Variants in PREPL observed in about 807,000 individuals in gnomAD.
PREPL encodes prolyl endopeptidase-like.
In PREPL, 77 loss-of-function variants were observed where a neutral mutation model predicts 70.6. The observed-to-expected ratio is 1.09, with a 90% CI of 0.91 to 1.32. PREPL has a LOEUF of 1.32. PREPL is among the 40% of genes most tolerant of loss of function. The pLI is 0.00. For synonymous variants in PREPL, 315 were observed against 264.8 expected, an observed-to-expected ratio of 1.19 and a Z score of -1.84; for missense variants, 1,002 against 778.2, an observed-to-expected ratio of 1.29 and a Z score of -3.42.
intron 2 of PREPL, among the ~76,000 whole-genome samples, chr2:44,345,534 G>A (rs943568353): frequency 9.9e-5 from 15 of 152,024 alleles, no homozygotes; most frequent in African/African-American, 3.6e-4. Context: ...TTTTAGTAGA[G>A]ATGGGGTTTC....
At position 44,319,872 on chromosome 2, in the gene PREPL, C is replaced by G. The variant is rs754614997; in HGVS notation, c.*1484G>C. On this transcript the variant is annotated 3_prime_UTR_variant, in exon 14 of 14. Coordinates refer to ENST00000409411, the MANE Select transcript of PREPL (RefSeq NM_001171613.2). ...TACAATATAGCACAGAATGACTATGCAAGTTAAATATTCATCTTAGACATG... is the reference window on the plus strand; with the variant it reads ...TACAATATAGCACAGAATGACTATGGAAGTTAAATATTCATCTTAGACATG... 6 of 279,678 alleles carry G rather than the reference C, an allele frequency of 2.1e-5. No homozygotes were observed. Among genetic ancestry groups the G allele is most frequent in the Non-Finnish European group, 4.1e-5 (6 of 146,046 alleles). The allele number at this position is 279,678 out of a possible 1,614,324, so 17.3% of individuals were successfully genotyped here. A position where few individuals can be genotyped will look rare whatever the true frequency, so the allele number is the denominator to read the frequency against.
rs113296383 is a variant in PREPL at position 44,321,826 on chromosome 2, C to T, written c.1827+1G>A. 1 of 1,613,722 alleles carries T rather than the reference C, an allele frequency of 6.2e-7. No homozygotes were observed. ...CCACTGAGAGGGCCTTGATAACATA[C>T]CTTTTTGTGAGAATCCTCAATTACA... On this transcript the variant is annotated splice_donor_variant, in intron 13 of 13. Transcript: ENST00000409411. LOFTEE classifies it high-confidence loss of function.
intron 7 of PREPL, among the ~76,000 whole-genome samples, chr2:44,334,271 C>G (rs1261896451): frequency 6.6e-6 from 1 of 152,098 alleles, no homozygotes; most frequent in Non-Finnish European, 1.5e-5. Flanking sequence ...CTGAGAGAAA[C>G]AGGTTCAGTT....
At chr2:44,348,532 C>A (rs1676067335) in intron 1 of PREPL, among the ~76,000 whole-genome samples, 1 of 152,180 alleles carries the variant, frequency 6.6e-6, no homozygotes, top group Non-Finnish European at 1.5e-5. Flanking sequence ...GAGCTGGGTT[C>A]TGTCACTTTT....
intron 1 of PREPL, among the ~76,000 whole-genome samples, chr2:44,359,009 T>G (rs1417805897): frequency 1.3e-5 from 2 of 152,040 alleles, no homozygotes; most frequent in Admixed American, 6.6e-5. Context: ...GGTGAATCAT[T>G]TTTTATAAAC....
At chr2:44,355,822 C>A (rs1355098403) in intron 1 of PREPL, among the ~76,000 whole-genome samples, 1 of 150,664 alleles carries the variant, frequency 6.6e-6, no homozygotes, top group Non-Finnish European at 1.5e-5. Flanking sequence ...GCAGGAGCTG[C>A]TAACCTGTAT....
In PREPL at chr2:44,321,185, T is replaced by C. The variant is rs865808559; in HGVS notation, c.*171A>G. The C allele has an allele frequency of 4.9e-6, 3 of 611,248 alleles. No homozygotes were observed. Among genetic ancestry groups the C allele is most frequent in the African/African-American group, 3.7e-5 (2 of 53,646 alleles). The allele number at this position is 611,248 out of a possible 1,614,324, so 37.9% of individuals were successfully genotyped here. On this transcript the variant is annotated 3_prime_UTR_variant, in exon 14 of 14. Transcript: ENST00000409411. ...TGGGCATGTGCATCAATGGAGAGAA[T>C]AGTATAAGCAAGTGAGATGTAGACT...
intron 11 of PREPL, 66 bp downstream of exon 11, chr2:44,323,196 A>C (rs758418184): frequency 1.7e-5 from 24 of 1,438,394 alleles, no homozygotes; most frequent in Non-Finnish European, 2.1e-5. Context: ...TTCAGCTTGG[A>C]TAAGTTTTTT....
chr2:44,318,949 C>G lies in PREPL; in HGVS notation c.*2407G>C, dbSNP rs936937463. On this transcript the variant is annotated 3_prime_UTR_variant, in exon 14 of 14. Coordinates refer to ENST00000409411, the MANE Select transcript of PREPL (RefSeq NM_001171613.2). ...ACAAATCTGCAATTACAGAAAAAGA[C>G]TTCAACATACTTTTAGAAAGTAGTA... The G allele has an allele frequency of 6.6e-6, 1 of 152,134 alleles. No homozygotes were observed. Among genetic ancestry groups the G allele is most frequent in the Non-Finnish European group, 1.5e-5 (1 of 68,020 alleles). The allele number at this position is 152,134 out of a possible 1,614,324, so 9.4% of individuals were successfully genotyped here. A position where few individuals can be genotyped will look rare whatever the true frequency, so the allele number is the denominator to read the frequency against.
rs189971273 is a variant in PREPL at position 44,348,347 on chromosome 2, T to C, written c.-48-1957A>G. ...TATCAATAATCCCCTCATATCACCATCATAAGTCAGAAGATGACTAAAAAT... is the reference window on the plus strand; with the variant it reads ...TATCAATAATCCCCTCATATCACCACCATAAGTCAGAAGATGACTAAAAAT... On this transcript the variant is annotated intron_variant, in intron 1 of 13. Coordinates refer to ENST00000409411, the MANE Select transcript of PREPL (RefSeq NM_001171613.2). Among the ~76,000 whole-genome samples the C allele has an allele frequency of 1.8e-4, 27 of 152,360 alleles. 1 individual carries two copies. The East Asian group carries it at 3.1e-3, about 17-fold the overall frequency.
In PREPL at chr2:44,321,143, T is replaced by G. The variant is rs11124988; in HGVS notation, c.*213A>C. On this transcript the variant is annotated 3_prime_UTR_variant, in exon 14 of 14. Transcript: ENST00000409411. ...CCTTCTAAGGAGCATGATTTGAAAA[T>G]TACTTTCCTAGGTTAATGGGCATGT... is the stretch of plus-strand genomic sequence containing the variant. The G allele has an allele frequency of 1.9e-6, 1 of 530,590 alleles. No individual in the cohort carries two copies. Among genetic ancestry groups the G allele is most frequent in the Non-Finnish European group, 3.4e-6 (1 of 293,520 alleles). The allele number at this position is 530,590 out of a possible 1,614,324, so 32.9% of individuals were successfully genotyped here. A position where few individuals can be genotyped will look rare whatever the true frequency, so the allele number is the denominator to read the frequency against.
intron 11 of PREPL, 48 bp downstream of exon 11, chr2:44,323,214 A>T (rs767313353): frequency 2.0e-6 from 3 of 1,485,054 alleles, no homozygotes; most frequent in Non-Finnish European, 2.7e-6. Flanking sequence ...TTTTTTTATT[A>T]TCTTCTGTGT....
chr2:44,320,166 AACACTT>A lies in PREPL; in HGVS notation c.*1184_*1189del. 1 of 1,530,586 alleles carries A rather than the reference AACACTT, an allele frequency of 6.5e-7. No homozygotes were observed. Among genetic ancestry groups the A allele is most frequent in the Non-Finnish European group, 9.0e-7 (1 of 1,108,348 alleles). The allele number at this position is 1,530,586 out of a possible 1,614,324, so 94.8% of individuals were successfully genotyped here. A position where few individuals can be genotyped will look rare whatever the true frequency, so the allele number is the denominator to read the frequency against. ...TACTTACAAACAATTCTTAGAATCA[AACACTT>A]ACGTAAATACTTTTTTAAAAAAATA... On this transcript the variant is annotated 3_prime_UTR_variant, in exon 14 of 14. Transcript: ENST00000409411.
chr2:44,337,010 C>T (rs993349121), intron 7 of PREPL, among the ~76,000 whole-genome samples: 1 of 152,172 alleles, frequency 6.6e-6, no homozygotes, highest in Non-Finnish European at 1.5e-5. Flanking sequence ...ACTCCTCAAA[C>T]CATTCCCCTG....
intron 1 of PREPL, among the ~76,000 whole-genome samples, chr2:44,353,357 G>GC (rs1676655296): frequency 6.6e-6 from 1 of 152,048 alleles, no homozygotes; most frequent in African/African-American, 2.4e-5. Flanking sequence ...GCCAAGTTGG[G>GC]CAGATCACCC....
intron 5 of PREPL, among the ~76,000 whole-genome samples, chr2:44,341,039 C>G (rs1332647114): frequency 6.6e-6 from 1 of 151,610 alleles, no homozygotes; most frequent in Non-Finnish European, 1.5e-5. Context: ...TGGTTTTTGA[C>G]TTGAGTTTAA....
intron 1 of PREPL, among the ~76,000 whole-genome samples, chr2:44,353,274 A>G (rs1037002915): frequency 9.9e-5 from 15 of 151,520 alleles, no homozygotes; most frequent in African/African-American, 3.6e-4. Flanking sequence ...AAGAATACAC[A>G]CGCTTCCTGA....
Position 44,332,650 on chromosome 2 carries a change from G to A in PREPL, c.895C>T (p.Pro299Ser), listed in dbSNP as rs1203315493. The A allele has an allele frequency of 6.2e-7, 1 of 1,610,432 alleles. No homozygotes were observed. The highest frequency in any genetic ancestry group is 8.5e-7 in the Non-Finnish European group (1 of 1,178,030). Residue 299 changes from proline to serine, a missense_variant, in exon 8 of 14, where the codon CCT becomes TCT. Transcript: ENST00000409411. ...TCCATTATGAATCCACAGGCCCAAG[G>A]AGGGAGCTAAAGAAATACAACAGCT... is the stretch of plus-strand genomic sequence containing the variant. Reference protein sequence around the residue: ...DDSVRSLKLPPWACGFIMDTN... With the variant: ...DDSVRSLKLPSWACGFIMDTN...
Position 44,335,231 on chromosome 2 carries a change from A to T in PREPL, c.889-2575T>A, listed in dbSNP as rs185579400. Among the ~76,000 whole-genome samples, 80 of 152,324 alleles carry T rather than the reference A, an allele frequency of 5.3e-4. 1 individual carries two copies. The highest frequency in any genetic ancestry group is 9.1e-4 in the Non-Finnish European group (62 of 68,020). On this transcript the variant is annotated intron_variant, in intron 7 of 13. Transcript: ENST00000409411. Reference sequence around the variant, plus strand: ...GTTCCAGTGGAATTTAAAACCATGGAAACTGGGGCATATCTTTAAAATAAG... The same window carrying T: ...GTTCCAGTGGAATTTAAAACCATGGTAACTGGGGCATATCTTTAAAATAAG...
Sources: allele counts gnomAD v4.1 joint callset (sites outside exome capture counted in the v4.1 genomes callset), GRCh38; gene constraint gnomAD v4.1.1; transcripts MANE v1.5; gene names NCBI Gene and HGNC (gene_info 2026-07-23, HGNC 2026-07-21).